The following CNTNAP2 variants were observed in gnomAD, a reference collection of about 807,000 sequenced individuals.
CNTNAP2 encodes contactin associated protein 2.
CNTNAP2 carries 98 observed loss-of-function variants against 155.2 expected under a neutral mutation model. The ratio of observed to expected loss-of-function variants is 0.63; its 90% CI spans 0.54 to 0.75. The LOEUF (loss-of-function observed/expected upper bound fraction) is 0.75, where lower values mean the gene tolerates loss of function less well. Ranked by LOEUF, CNTNAP2 falls within the 30% of genes least tolerant of loss-of-function variation. The pLI, the probability that CNTNAP2 is intolerant of heterozygous loss-of-function variation, is 0.00. For synonymous variants in CNTNAP2, 651 were observed against 631.2 expected (o/e 1.03, Z -0.47); for missense variants, 1,727 against 1,688.1 (o/e 1.02, Z -0.40).
chr7:146,129,084 G>A (rs1797678105), intron 1 of CNTNAP2, among the ~76,000 whole-genome samples: 1 of 152,052 alleles, frequency 6.6e-6, no homozygotes, highest in African/African-American at 2.4e-5. Flanking sequence ...TTAGAAAAAT[G>A]TTACTGCAAT....
At chr7:146,703,884 C>A (rs1412353111) in intron 1 of CNTNAP2, among the ~76,000 whole-genome samples, 1 of 152,026 alleles carries the variant, frequency 6.6e-6, no homozygotes. Context: ...TTTGTCTTTC[C>A]ATTTCTCTCT....
At position 147,562,003 on chromosome 7, in the gene CNTNAP2, G is replaced by C. The variant is rs566679809; in HGVS notation, c.1778-135G>C. The C allele has an allele frequency of 2.7e-5, 31 of 1,168,082 alleles. No individual in the cohort carries two copies. The East Asian group carries it at 6.2e-4, about 24-fold the overall frequency. 72.4% of individuals were successfully genotyped at this position (1,168,082 alleles called of 1,614,324 possible). A position where few individuals can be genotyped will look rare whatever the true frequency, so the allele number is the denominator to read the frequency against. ...AACAAATCATGAATTTAAATTTAGA[G>C]ACAAAGAACGCTCTTTCCAGGAAGA... On this transcript the variant is annotated intron_variant, in intron 11 of 23. Transcript: ENST00000361727.
chr7:146,940,332 G>T (rs1043026816), intron 3 of CNTNAP2, among the ~76,000 whole-genome samples: 9 of 152,016 alleles, frequency 5.9e-5, no homozygotes, highest in Admixed American at 4.6e-4. Flanking sequence ...TAGTAGCTGG[G>T]ATTACAGTCG....
intron 13 of CNTNAP2, among the ~76,000 whole-genome samples, chr7:147,766,134 C>G (rs1189767187): frequency 6.6e-6 from 1 of 152,050 alleles, no homozygotes; most frequent in African/African-American, 2.4e-5. Flanking sequence ...TATTAAATGT[C>G]TTGATTGAGG....
At chr7:146,309,272 G>C (rs1454704241) in intron 1 of CNTNAP2, among the ~76,000 whole-genome samples, 1 of 152,032 alleles carries the variant, frequency 6.6e-6, no homozygotes, top group Non-Finnish European at 1.5e-5. Flanking sequence ...TTGTTTTAAC[G>C]GTGCTCTCGG....
At chr7:146,338,485 T>TA in intron 1 of CNTNAP2, among the ~76,000 whole-genome samples, 2 of 152,280 alleles carry the variant, frequency 1.3e-5, no homozygotes, top group Middle Eastern at 3.4e-3. Context: ...GGATTACTCG[T>TA]AGCCCATCTA....
chr7:147,947,221 C>T (rs1347405388), intron 14 of CNTNAP2, among the ~76,000 whole-genome samples: 1 of 152,050 alleles, frequency 6.6e-6, no homozygotes, highest in Non-Finnish European at 1.5e-5. Flanking sequence ...CCCAGTGTCT[C>T]CTCTTCTCCA....
At chr7:147,947,917 A>G (rs1032674901) in intron 14 of CNTNAP2, among the ~76,000 whole-genome samples, 1 of 152,286 alleles carries the variant, frequency 6.6e-6, no homozygotes, top group South Asian at 2.1e-4. Flanking sequence ...TTTGATCTTC[A>G]TAATCCCTGT....
intron 10 of CNTNAP2, among the ~76,000 whole-genome samples, chr7:147,464,726 A>C (rs192994569): frequency 1.3e-5 from 2 of 152,336 alleles, no homozygotes; most frequent in East Asian, 3.9e-4. Context: ...TTAAAAATTT[A>C]AAGCAACAGA....
intron 9 of CNTNAP2, among the ~76,000 whole-genome samples, chr7:147,389,855 G>T (rs992627945): frequency 1.3e-5 from 2 of 152,026 alleles, no homozygotes; most frequent in Non-Finnish European, 2.9e-5. Context: ...ACAAAAATAC[G>T]CAAAAATTTT....
chr7:148,233,225 C>A (rs1255169701), intron 20 of CNTNAP2, among the ~76,000 whole-genome samples: 1 of 152,230 alleles, frequency 6.6e-6, no homozygotes, highest in African/African-American at 2.4e-5. Context: ...GTGCAACTAA[C>A]CCTTTCTTCT....
At chr7:146,476,946 A>T (rs1796886599) in intron 1 of CNTNAP2, among the ~76,000 whole-genome samples, 1 of 152,196 alleles carries the variant, frequency 6.6e-6, no homozygotes, top group Non-Finnish European at 1.5e-5. Flanking sequence ...AGAGAATAAA[A>T]TTATGGATAC....
intron 14 of CNTNAP2, among the ~76,000 whole-genome samples, chr7:147,940,710 A>G (rs1800705794): frequency 6.6e-6 from 1 of 151,894 alleles, no homozygotes; most frequent in South Asian, 2.1e-4. Flanking sequence ...AATTTTTTAA[A>G]TTTTATGTAG....
chr7:147,867,853 C>T (rs1799260744), intron 13 of CNTNAP2, among the ~76,000 whole-genome samples: 1 of 152,084 alleles, frequency 6.6e-6, no homozygotes, highest in African/African-American at 2.4e-5. Context: ...ATTCGTCTAG[C>T]CTTTTTTCAA....
intron 8 of CNTNAP2, among the ~76,000 whole-genome samples, chr7:147,184,219 T>C (rs1802520948): frequency 6.6e-6 from 1 of 152,178 alleles, no homozygotes; most frequent in African/African-American, 2.4e-5. Context: ...ATACTTTACT[T>C]TGAAACTGAA....
At chr7:146,717,620 T>G (rs574685677) in intron 1 of CNTNAP2, among the ~76,000 whole-genome samples, 3 of 151,886 alleles carry the variant, frequency 2.0e-5, no homozygotes, top group Non-Finnish European at 4.4e-5. Context: ...TGGTCATCCA[T>G]GTGACTTTGA....
intron 21 of CNTNAP2, among the ~76,000 whole-genome samples, chr7:148,364,972 A>C (rs927843433): frequency 2.0e-5 from 3 of 152,190 alleles, no homozygotes; most frequent in Admixed American, 2.0e-4. Flanking sequence ...AACCCACCAG[A>C]AGGAAGAAAC....
chr7:146,694,012 T>TA (rs1007504135), intron 1 of CNTNAP2, among the ~76,000 whole-genome samples: 35 of 152,082 alleles, frequency 2.3e-4, no homozygotes, highest in Non-Finnish European at 4.3e-4. Context: ...AATTCCAGAT[T>TA]AAAAAAAATC....
chr7:147,161,494 A>G (rs958974437), intron 8 of CNTNAP2: 2 of 152,174 alleles, frequency 1.3e-5, no homozygotes, highest in Non-Finnish European at 2.9e-5. Flanking sequence ...ACTCAATACC[A>G]ATATGCTGAA....
Sources: allele counts gnomAD v4.1 joint callset (sites outside exome capture counted in the v4.1 genomes callset), GRCh38; gene constraint gnomAD v4.1.1; transcripts MANE v1.5; gene names NCBI Gene and HGNC (gene_info 2026-07-23, HGNC 2026-07-21).